Variants in DCC observed in about 807,000 individuals in gnomAD.
DCC encodes DCC netrin 1 receptor.
A neutral mutation model predicts 172.5 loss-of-function variants in DCC; 58 were observed. That is an observed-to-expected ratio of 0.34 (90% CI 0.27 to 0.42). The LOEUF (loss-of-function observed/expected upper bound fraction) is 0.42. DCC is among the 10% of genes least tolerant of loss of function. The probability of loss-of-function intolerance (pLI) is 1.00; values close to 1 mark genes in which losing one functional copy is unlikely to be tolerated. For missense variants in DCC, 1,740 were observed against 1,791.0 expected (o/e 0.97, Z 0.51); for synonymous variants, 709 against 644.5 (o/e 1.10, Z -1.52).
At chr18:53,251,120 T>C (rs2056425710) in intron 12 of DCC, among the ~76,000 whole-genome samples, 1 of 151,948 alleles carries the variant, frequency 6.6e-6, no homozygotes, top group Non-Finnish European at 1.5e-5. Context: ...TCTAGTCTTA[T>C]TCCCTGATCT....
intron 13 of DCC, among the ~76,000 whole-genome samples, chr18:53,309,004 A>G (rs2057234079): frequency 6.6e-6 from 1 of 151,450 alleles, no homozygotes; most frequent in Non-Finnish European, 1.5e-5. Flanking sequence ...ATCTTTTTAT[A>G]CTTTCCTCTC....
At chr18:52,670,014 A>G (rs2035523396) in intron 1 of DCC, among the ~76,000 whole-genome samples, 1 of 152,174 alleles carries the variant, frequency 6.6e-6, no homozygotes, top group South Asian at 2.1e-4. Context: ...TGCCTATGGG[A>G]AGAGGGTTTC....
At chr18:53,425,473 C>T (rs1050817036) in intron 21 of DCC, among the ~76,000 whole-genome samples, 4 of 149,260 alleles carry the variant, frequency 2.7e-5, no homozygotes, top group South Asian at 2.1e-4. Flanking sequence ...GATTCTCCTG[C>T]CCCAGCCTCC....
intron 5 of DCC, among the ~76,000 whole-genome samples, chr18:52,947,584 T>G (rs1189721544): frequency 6.6e-6 from 1 of 152,212 alleles, no homozygotes; most frequent in Non-Finnish European, 1.5e-5. Context: ...CCACTGCCTC[T>G]TGGGTCAGTC....
At chr18:52,671,386 T>C (rs1012341190) in intron 1 of DCC, among the ~76,000 whole-genome samples, 4 of 152,154 alleles carry the variant, frequency 2.6e-5, no homozygotes, top group African/African-American at 9.7e-5. Flanking sequence ...TGCTGGCTCT[T>C]TTTAATGTTA....
chr18:52,591,643 G>C (rs1471986543), intron 1 of DCC, among the ~76,000 whole-genome samples: 1 of 151,864 alleles, frequency 6.6e-6, no homozygotes, highest in African/African-American at 2.4e-5. Flanking sequence ...TTTGAGACAG[G>C]ATGATCACAG....
intron 15 of DCC, among the ~76,000 whole-genome samples, chr18:53,363,877 G>A (rs1416401488): frequency 6.6e-6 from 1 of 152,104 alleles, no homozygotes; most frequent in African/African-American, 2.4e-5. Context: ...GAGAGTCAGT[G>A]AGCAGACTAA....
chr18:52,968,026 C>G (rs1384094239), intron 5 of DCC, among the ~76,000 whole-genome samples: 1 of 152,102 alleles, frequency 6.6e-6, no homozygotes, highest in Admixed American at 6.5e-5. Context: ...GTTGTTAGAG[C>G]CAACAGAATA....
At chr18:53,270,177 T>A (rs2056732446) in intron 12 of DCC, among the ~76,000 whole-genome samples, 1 of 152,156 alleles carries the variant, frequency 6.6e-6, no homozygotes, top group Non-Finnish European at 1.5e-5. Flanking sequence ...TTTCCATCCA[T>A]ATTTTAAGAC....
At chr18:53,390,966 G>C (rs1176646525) in intron 16 of DCC, among the ~76,000 whole-genome samples, 1 of 152,150 alleles carries the variant, frequency 6.6e-6, no homozygotes, top group Non-Finnish European at 1.5e-5. Flanking sequence ...GTCTAAGAAA[G>C]CCTGACAAAC....
At chr18:53,325,705 A>G (rs555299726) in intron 14 of DCC, among the ~76,000 whole-genome samples, 1 of 152,324 alleles carries the variant, frequency 6.6e-6, no homozygotes, top group African/African-American at 2.4e-5. Flanking sequence ...TGGCTTAATA[A>G]TGGCCCTCTT....
At chr18:52,869,716 G>A (rs1009824728) in intron 2 of DCC, among the ~76,000 whole-genome samples, 6 of 152,206 alleles carry the variant, frequency 3.9e-5, no homozygotes, top group Non-Finnish European at 7.3e-5. Flanking sequence ...AGTCTAGAGG[G>A]GGCCAAAGTC....
At chr18:53,000,141 A>C (rs552751510) in intron 5 of DCC, among the ~76,000 whole-genome samples, 1 of 152,202 alleles carries the variant, frequency 6.6e-6, no homozygotes, top group East Asian at 1.9e-4. Context: ...CGAGACAAGA[A>C]GTCTACTATT....
intron 12 of DCC, among the ~76,000 whole-genome samples, chr18:53,249,280 C>T (rs957976764): frequency 7.2e-5 from 11 of 151,866 alleles, no homozygotes; most frequent in Admixed American, 2.6e-4. Context: ...TTATAGCTAT[C>T]TTCTAGCAAA....
At chr18:52,989,296 G>A (rs187218137) in intron 5 of DCC, among the ~76,000 whole-genome samples, 3 of 152,286 alleles carry the variant, frequency 2.0e-5, no homozygotes, top group Admixed American at 2.0e-4. Flanking sequence ...GCCCAGGCGG[G>A]TGGTTCACTT....
intron 3 of DCC, among the ~76,000 whole-genome samples, chr18:52,910,119 T>C (rs118050843): frequency 6.4e-4 from 98 of 152,114 alleles, no homozygotes; most frequent in African/African-American, 1.7e-3. Flanking sequence ...CTGGAGAGAA[T>C]TGACCAAAAG....
intron 2 of DCC, among the ~76,000 whole-genome samples, chr18:52,899,068 T>C (rs1479507682): frequency 6.6e-6 from 1 of 152,216 alleles, no homozygotes. Flanking sequence ...CCAACCCATC[T>C]CTTCAAATGA....
chr18:52,836,365 A>T (rs1000055273), intron 2 of DCC, among the ~76,000 whole-genome samples: 2 of 152,194 alleles, frequency 1.3e-5, no homozygotes, highest in African/African-American at 4.8e-5. Flanking sequence ...TTAACTCAAA[A>T]GTTCAAGTCC....
intron 3 of DCC, among the ~76,000 whole-genome samples, chr18:52,922,771 C>G (rs1230126223): frequency 6.6e-6 from 1 of 152,014 alleles, no homozygotes; most frequent in Non-Finnish European, 1.5e-5. Context: ...TGGTGTGTCC[C>G]CAGGCATTAT....
Sources: gnomAD v4.1 joint callset for allele counts (sites outside exome capture counted in the v4.1 genomes callset) on GRCh38, gnomAD v4.1.1 for gene constraint, MANE v1.5 for transcripts, NCBI Gene and HGNC (gene_info 2026-07-23, HGNC 2026-07-21) for gene names.